The following CD96 variants were observed in gnomAD, a reference collection of about 807,000 sequenced individuals.
CD96 encodes T-cell surface protein tactile.
CD96 carries 70 observed loss-of-function variants against 71.3 expected under a neutral mutation model. The ratio of observed to expected loss-of-function variants is 0.98; its 90% confidence interval spans 0.81 to 1.20. The LOEUF (loss-of-function observed/expected upper bound fraction) is 1.20, where lower values mean the gene tolerates loss of function less well. Ranked by LOEUF, CD96 falls within the 50% of genes most tolerant of loss-of-function variation. The pLI is 0.00. For missense variants in CD96, 742 were observed against 677.5 expected, an observed-to-expected ratio of 1.10 and a Z score of -1.06; for synonymous variants, 248 against 233.0, an observed-to-expected ratio of 1.06 and a Z score of -0.59.
chr3:111,591,370 T>C (rs9823561), intron 5 of CD96, among the ~76,000 whole-genome samples: 60,845 of 121,016 alleles, frequency 0.5, 16,393 homozygotes, highest in Non-Finnish European at 0.61. Context: ...AGACTCCATC[T>C]TAAAAAAAAA....
chr3:111,637,161 T>C lies in CD96; in HGVS notation c.1322-35T>C, dbSNP rs776160772. ...GTCAAGAAGTGGTAATATAGTCTCATATAGGTTAACTCTTCTGATATCTTC... is the reference window on the plus strand; with the variant it reads ...GTCAAGAAGTGGTAATATAGTCTCACATAGGTTAACTCTTCTGATATCTTC... On this transcript the variant is annotated intron_variant, in intron 10 of 13. Transcript: ENST00000352690. The C allele has an allele frequency of 2.7e-6, 3 of 1,121,682 alleles. No individual in the cohort carries two copies. In the East Asian group the frequency reaches 7.0e-5, roughly 26 times the overall value. 69.5% of individuals were successfully genotyped at this position (1,121,682 alleles called of 1,614,324 possible). A position where few individuals can be genotyped will look rare whatever the true frequency, so the allele number is the denominator to read the frequency against.
chr3:111,592,637 T>C (rs1355318287), intron 5 of CD96, among the ~76,000 whole-genome samples: 1 of 152,238 alleles, frequency 6.6e-6, no homozygotes, highest in Non-Finnish European at 1.5e-5. Flanking sequence ...CTTCCTCTGT[T>C]CTTTATTTCT....
At position 111,632,257 on chromosome 3, in the gene CD96, C is replaced by T. The variant is rs576655312; in HGVS notation, c.1322-4939C>T. Among the ~76,000 whole-genome samples the T allele has an allele frequency of 2.9e-3, 444 of 152,094 alleles. 1 individual carries two copies. Among genetic ancestry groups the T allele is most frequent in the Non-Finnish European group, 4.9e-3 (334 of 67,982 alleles). On this transcript the variant is annotated intron_variant, in intron 10 of 13. Transcript: ENST00000352690. The stretch of plus-strand genomic sequence containing the variant: ...TATAATAGCCAGCATCTATAAATAC[C>T]TTAAACTAATTTACAAGCAAAAAAC...
chr3:111,552,214 G>C (rs1934748073), intron 2 of CD96, among the ~76,000 whole-genome samples: 1 of 151,850 alleles, frequency 6.6e-6, no homozygotes, highest in African/African-American at 2.4e-5. Context: ...CCCTTTAAGA[G>C]GTGATATAAG....
intron 9 of CD96, among the ~76,000 whole-genome samples, 162 bp downstream of exon 9, chr3:111,623,984 A>C (rs1018559598): frequency 6.6e-6 from 1 of 152,198 alleles, no homozygotes; most frequent in Non-Finnish European, 1.5e-5. Context: ...CTATATATTG[A>C]TATGACAATT....
intron 2 of CD96, among the ~76,000 whole-genome samples, chr3:111,561,884 G>A (rs1340670951): frequency 4.0e-5 from 6 of 150,966 alleles, no homozygotes; most frequent in African/African-American, 7.3e-5. Context: ...AGGACCCTCC[G>A]AGCCAGGTGT....
At chr3:111,593,489 G>C in intron 5 of CD96, 1 of 1,496,152 alleles carries the variant, frequency 6.7e-7, no homozygotes, top group Non-Finnish European at 8.9e-7. Flanking sequence ...AACTAAAATG[G>C]CTCTTTTCTA....
rs1274867680 is a variant in CD96, at chr3:111,567,461, T to A, written c.419-62T>A. 4.2e-6 allele frequency: 6 copies of A among 1,443,200 alleles called. No homozygotes were observed. The Admixed American group carries it at 5.0e-5, about 12-fold the overall frequency. 89.4% of individuals were successfully genotyped at this position (1,443,200 alleles called of 1,614,324 possible). A position where few individuals can be genotyped will look rare whatever the true frequency, so the allele number is the denominator to read the frequency against. On this transcript the variant is annotated intron_variant, in intron 2 of 13. Transcript: ENST00000352690. ...ACTAAAACTGTTTTTGTCTCTTTGATAAAAAGCACTTTACAAACCAATCAG... is the reference window on the plus strand; with the variant it reads ...ACTAAAACTGTTTTTGTCTCTTTGAAAAAAAGCACTTTACAAACCAATCAG...
intron 10 of CD96, among the ~76,000 whole-genome samples, chr3:111,627,507 C>A (rs1039847034): frequency 5.9e-5 from 9 of 152,240 alleles, no homozygotes; most frequent in African/African-American, 2.2e-4. Flanking sequence ...GTTCTAATTT[C>A]TTCCTGGGAC....
At chr3:111,593,857 A>C in intron 5 of CD96, 1 of 1,613,882 alleles carries the variant, frequency 6.2e-7, no homozygotes, top group Non-Finnish European at 8.5e-7. Context: ...CAGCCTGACC[A>C]TGGCCACTCT....
intron 12 of CD96, among the ~76,000 whole-genome samples, chr3:111,646,356 T>G (rs74732301): frequency 3.4e-4 from 52 of 152,212 alleles, no homozygotes; most frequent in African/African-American, 1.3e-3. Flanking sequence ...AGAGGCCAGG[T>G]GTATGTCTTT....
At chr3:111,603,011 C>T (rs1225467955) in intron 7 of CD96, among the ~76,000 whole-genome samples, 2 of 152,022 alleles carry the variant, frequency 1.3e-5, no homozygotes, top group African/African-American at 4.8e-5. Context: ...TTCAGTGATC[C>T]CTATTCTAGA....
chr3:111,616,116 T>G (rs557344095), intron 8 of CD96, among the ~76,000 whole-genome samples: 11 of 152,130 alleles, frequency 7.2e-5, no homozygotes, highest in Non-Finnish European at 1.3e-4. Flanking sequence ...CCATAACACA[T>G]TTTAACACCG....
intron 1 of CD96, among the ~76,000 whole-genome samples, chr3:111,543,297 A>T (rs2107450377): frequency 6.6e-6 from 1 of 152,322 alleles, no homozygotes; most frequent in South Asian, 2.1e-4. Flanking sequence ...TCTAAAACTG[A>T]GGCCAACACT....
chr3:111,613,298 A>G (rs1576390445), intron 8 of CD96, among the ~76,000 whole-genome samples: 1 of 152,312 alleles, frequency 6.6e-6, no homozygotes, highest in East Asian at 1.9e-4. Context: ...TGTCCTGCTT[A>G]CTGTCATCTT....
intron 1 of CD96, among the ~76,000 whole-genome samples, chr3:111,543,629 A>G (rs1014054389): frequency 2.0e-5 from 3 of 152,238 alleles, no homozygotes; most frequent in African/African-American, 7.2e-5. Context: ...AACATTAAGT[A>G]TAGGTTACTT....
downstream of CD96, among the ~76,000 whole-genome samples, chr3:111,653,364 C>G (rs1940152289): frequency 6.6e-6 from 1 of 152,174 alleles, no homozygotes; most frequent in African/African-American, 2.4e-5. Context: ...AATAGTTAAC[C>G]TACACATATA....
chr3:111,611,462 T>C (rs1027874682), intron 8 of CD96, among the ~76,000 whole-genome samples: 1 of 152,172 alleles, frequency 6.6e-6, no homozygotes, highest in African/African-American at 2.4e-5. Context: ...TGGATTCTAG[T>C]GTTAACAGGG....
At chr3:111,603,464 GC>G (rs1303961444) in intron 7 of CD96, among the ~76,000 whole-genome samples, 1 of 151,308 alleles carries the variant, frequency 6.6e-6, no homozygotes, top group Non-Finnish European at 1.5e-5. Flanking sequence ...AAAAAATCCC[GC>G]CCTGCTAGCA....
Sources: allele counts gnomAD v4.1 joint callset (sites outside exome capture counted in the v4.1 genomes callset), GRCh38; gene constraint gnomAD v4.1.1; transcripts MANE v1.5; gene names NCBI Gene and HGNC (gene_info 2026-07-23, HGNC 2026-07-21).